SLC36A1: variants seen among roughly 807,000 people sequenced by gnomAD.
SLC36A1 encodes proton-coupled amino acid transporter 1.
A neutral mutation model predicts 47.5 loss-of-function variants in SLC36A1; 30 were observed. The observed-to-expected ratio is 0.63, with a 90% CI of 0.47 to 0.86. SLC36A1 has a LOEUF of 0.86. Ranked by LOEUF, SLC36A1 falls within the 40% of genes least tolerant of loss-of-function variation. The pLI, the probability that SLC36A1 is intolerant of heterozygous loss-of-function variation, is 0.00. For missense variants in SLC36A1, 517 were observed against 606.0 expected (o/e 0.85, Z 1.54); for synonymous variants, 255 against 249.7 (o/e 1.02, Z -0.20).
chr5:151,528,953 G>C, the SLC36A1 span, among the ~76,000 whole-genome samples: 5 of 152,016 alleles, frequency 3.3e-5, no homozygotes, highest in Admixed American at 6.6e-5. Context: ...CATTGTCTCT[G>C]ATCTTATCAT....
downstream of SLC36A1, among the ~76,000 whole-genome samples, chr5:151,493,546 TA>T (rs1275712475): frequency 6.6e-6 from 1 of 152,204 alleles, no homozygotes; most frequent in Admixed American, 6.5e-5. Context: ...CATTTACCAG[TA>T]TAAGTTTTAA....
At chr5:151,522,503 C>A in the SLC36A1 span, among the ~76,000 whole-genome samples, 2 of 152,198 alleles carry the variant, frequency 1.3e-5, no homozygotes, top group Non-Finnish European at 2.9e-5. Context: ...TACGAAAATT[C>A]CCCTTGGGAT....
the SLC36A1 span, among the ~76,000 whole-genome samples, chr5:151,513,799 TGA>T: frequency 6.6e-6 from 1 of 152,222 alleles, no homozygotes; most frequent in Non-Finnish European, 1.5e-5. Flanking sequence ...TGTTGACATG[TGA>T]GTTTATTATT....
At chr5:151,380,685 A>G in the SLC36A1 span, 1 of 551,624 alleles carries the variant, frequency 1.8e-6, no homozygotes, top group Non-Finnish European at 3.7e-6. Context: ...TGGTTGAGCA[A>G]CTGAAAACTC....
chr5:151,407,047 C>T, the SLC36A1 span, among the ~76,000 whole-genome samples: 1,128 of 152,210 alleles, frequency 7.4e-3, 19 homozygotes, highest in African/African-American at 0.026. Context: ...GTTGTTTGTT[C>T]CTCCCAGTGG....
chr5:151,439,918 C>T (rs755924960), intron 1 of SLC36A1, among the ~76,000 whole-genome samples: 11 of 152,176 alleles, frequency 7.2e-5, no homozygotes, highest in Non-Finnish European at 1.3e-4. Flanking sequence ...CTAATTTCCA[C>T]TCCAAAGTTA....
At chr5:151,355,804 A>T in the SLC36A1 span, among the ~76,000 whole-genome samples, 1 of 152,212 alleles carries the variant, frequency 6.6e-6, no homozygotes, top group Non-Finnish European at 1.5e-5. Context: ...AAAACCGCAT[A>T]CATCTCCAAC....
chr5:151,542,244 G>A, the SLC36A1 span: 938,321 of 1,520,774 alleles, frequency 0.62, 290,716 homozygotes, highest in Admixed American at 0.68. Context: ...GATGTTTTTC[G>A]ATACATTCCA....
At chr5:151,405,815 G>A in the SLC36A1 span, among the ~76,000 whole-genome samples, 1 of 152,072 alleles carries the variant, frequency 6.6e-6, no homozygotes, top group South Asian at 2.1e-4. Context: ...TCATTTCTGG[G>A]TGCTTTTAGA....
chr5:151,548,558 G>A, the SLC36A1 span, among the ~76,000 whole-genome samples: 1 of 152,080 alleles, frequency 6.6e-6, no homozygotes, highest in Non-Finnish European at 1.5e-5. Context: ...TCAGCTCACT[G>A]CAACCTCTGC....
the SLC36A1 span, among the ~76,000 whole-genome samples, chr5:151,350,866 T>C: frequency 1.3e-5 from 2 of 152,144 alleles, no homozygotes; most frequent in Admixed American, 1.3e-4. Flanking sequence ...CATGCCTAAT[T>C]TTTGTATTTT....
At chr5:151,526,170 G>A in the SLC36A1 span, among the ~76,000 whole-genome samples, 1 of 152,324 alleles carries the variant, frequency 6.6e-6, no homozygotes, top group Admixed American at 6.5e-5. Flanking sequence ...AGCTCCCCAA[G>A]GGCAATGTTG....
chr5:151,358,698 G>C, the SLC36A1 span, among the ~76,000 whole-genome samples: 1 of 152,198 alleles, frequency 6.6e-6, no homozygotes, highest in Non-Finnish European at 1.5e-5. Flanking sequence ...TCTCGGCCGG[G>C]CGCGGTGGCT....
At chr5:151,392,325 A>T in the SLC36A1 span, among the ~76,000 whole-genome samples, 1 of 151,970 alleles carries the variant, frequency 6.6e-6, no homozygotes. Context: ...CAGTCTATCA[A>T]TTTTGCTGAT....
upstream of SLC36A1, among the ~76,000 whole-genome samples, chr5:151,446,577 T>G (rs1383586746): frequency 6.6e-6 from 1 of 152,126 alleles, no homozygotes; most frequent in Admixed American, 6.5e-5. Context: ...ATTTGTGAAT[T>G]TTCCAAGATT....
chr5:151,516,035 C>A, the SLC36A1 span, among the ~76,000 whole-genome samples: 1 of 152,174 alleles, frequency 6.6e-6, no homozygotes, highest in Non-Finnish European at 1.5e-5. Context: ...GGTAGAACTC[C>A]AACCCATTGC....
chr5:151,473,649 T>G (rs1331830127), intron 7 of SLC36A1, 24 bp from the exon 8 acceptor site: 1 of 1,488,780 alleles, frequency 6.7e-7, no homozygotes, highest in Non-Finnish European at 9.4e-7. Context: ...TTTGTTTTGC[T>G]TTGTTTTGCT....
intron 10 of SLC36A1, among the ~76,000 whole-genome samples, chr5:151,485,117 C>T (rs2127543758): frequency 6.6e-6 from 1 of 152,250 alleles, no homozygotes; most frequent in South Asian, 2.1e-4. Flanking sequence ...CATATTCAAC[C>T]CTCAAGGTTT....
the SLC36A1 span, chr5:151,534,706 C>T: frequency 7.1e-7 from 1 of 1,409,876 alleles, no homozygotes; most frequent in Non-Finnish European, 9.9e-7. Context: ...CATGTGCCCT[C>T]TATATATCTA....
Sources: allele counts gnomAD v4.1 joint callset (sites outside exome capture counted in the v4.1 genomes callset), GRCh38; gene constraint gnomAD v4.1.1; transcripts MANE v1.5; gene names NCBI Gene and HGNC (gene_info 2026-07-23, HGNC 2026-07-21).